Variants in KCNN3 observed in about 807,000 individuals in gnomAD.
The protein encoded by KCNN3 is small conductance calcium-activated potassium channel protein 3.
A neutral mutation model predicts 62.9 loss-of-function variants in KCNN3; 16 were observed. That is an observed-to-expected ratio of 0.25 (90% CI 0.17 to 0.39). KCNN3 has a LOEUF of 0.39. Among genes scored for constraint, KCNN3 ranks in the 10% least tolerant of loss-of-function variants. KCNN3 has a pLI of 1.00. For missense variants in KCNN3, 599 were observed against 949.4 expected (o/e 0.63, Z 4.85); for synonymous variants, 370 against 389.2 (o/e 0.95, Z 0.58).
chr1:154,717,464 A>G (rs112585479), intron 5 of KCNN3, among the ~76,000 whole-genome samples: 334 of 152,340 alleles, frequency 2.2e-3, no homozygotes, highest in African/African-American at 7.3e-3. Flanking sequence ...GTCCAGGAAG[A>G]GCAGAAGGTT....
At chr1:154,847,103 C>G (rs2101918501) in intron 1 of KCNN3, among the ~76,000 whole-genome samples, 1 of 152,212 alleles carries the variant, frequency 6.6e-6, no homozygotes, top group East Asian at 1.9e-4. Context: ...GCCCCCTCCC[C>G]TGCCTGCCCT....
intron 2 of KCNN3, among the ~76,000 whole-genome samples, chr1:154,818,400 C>T (rs917191971): frequency 6.6e-6 from 1 of 152,222 alleles, no homozygotes; most frequent in Non-Finnish European, 1.5e-5. Flanking sequence ...GCCAGCAGCT[C>T]CGTCACAGTA....
intron 2 of KCNN3, among the ~76,000 whole-genome samples, chr1:154,782,645 C>T (rs1357036070): frequency 1.3e-5 from 2 of 152,238 alleles, no homozygotes; most frequent in Non-Finnish European, 2.9e-5. Context: ...CAGTTCATAG[C>T]TATTCCCTTT....
At position 154,822,048 on chromosome 1, in the gene KCNN3, G is replaced by A. The variant is rs201703386; in HGVS notation, c.1029+41C>T. 4.7e-6 allele frequency: 7 copies of A among 1,484,848 alleles called. No individual in the cohort carries two copies. In the East Asian group the frequency reaches 1.6e-4, roughly 34 times the overall value. 92.0% of individuals were successfully genotyped at this position (1,484,848 alleles called of 1,614,324 possible). ...GGGCTCGGCTCAGAGCAAGGCCAAA[G>A]GATCAGCCGCTGCATGAAGGGGTGA... On this transcript the variant is annotated intron_variant, in intron 2 of 7. Transcript: ENST00000271915.
intron 2 of KCNN3, among the ~76,000 whole-genome samples, chr1:154,797,665 G>C (rs1649787571): frequency 6.6e-6 from 1 of 152,196 alleles, no homozygotes. Context: ...GTTCATTAGT[G>C]TGTCCCCAGT....
At chr1:154,765,778 C>A (rs1025517816) in intron 3 of KCNN3, among the ~76,000 whole-genome samples, 2 of 151,288 alleles carry the variant, frequency 1.3e-5, no homozygotes, top group Non-Finnish European at 2.9e-5. Flanking sequence ...CCACCACTCC[C>A]GGCTAATGTT....
At chr1:154,782,301 G>A (rs1018386437) in intron 2 of KCNN3, among the ~76,000 whole-genome samples, 19 of 152,138 alleles carry the variant, frequency 1.2e-4, no homozygotes, top group Non-Finnish European at 5.9e-5. Context: ...ACCACAGCTC[G>A]GGCCTCCGAA....
intron 1 of KCNN3, among the ~76,000 whole-genome samples, chr1:154,863,266 C>CG (rs1454229184): frequency 1.3e-5 from 2 of 152,166 alleles, no homozygotes; most frequent in Non-Finnish European, 1.5e-5. Context: ...TCGCCTCCTC[C>CG]GGACTTTCCT....
In KCNN3 at chr1:154,822,108, T is replaced by C; in HGVS notation, c.1010A>G (p.Tyr337Cys). The stretch of plus-strand genomic sequence containing the variant: ...ACCTACCTGGACTTCACGTGTGTGG[T>C]AGGCGATGATCAAGCCCAAAAGGAT... Reference protein sequence around the residue: ...TIILLGLIIAYHTREVQLFVI... With the variant: ...TIILLGLIIACHTREVQLFVI... Residue 337 changes from tyrosine (Y) to cysteine (C), a missense_variant, in exon 2 of 8, where the codon TAC becomes TGC. Around this residue, in one of 7 missense-constraint regions of KCNN3, gnomAD observed 288 missense variants for 557.4 expected, o/e 0.52. Transcript: ENST00000271915. 1 of 1,613,778 alleles carries C rather than the reference T, an allele frequency of 6.2e-7. No individual in the cohort carries two copies. Among genetic ancestry groups the C allele is most frequent in the Non-Finnish European group, 8.5e-7 (1 of 1,179,744 alleles).
In KCNN3 at chr1:154,700,384, GC is replaced by G. The variant is rs1402838556; in HGVS notation, c.*7591del. 2.0e-5 allele frequency: 3 copies of G among 152,326 alleles called. No individual in the cohort carries two copies. The highest frequency in any genetic ancestry group is 4.1e-4 in the South Asian group (2 of 4,832). 9.4% of individuals were successfully genotyped at this position (152,326 alleles called of 1,614,324 possible). On this transcript the variant is annotated 3_prime_UTR_variant, in exon 8 of 8. Transcript: ENST00000271915. ...GACTTGAATTACTGTCAAGAGGTCT[GC>G]TTTCCCCAAATGATGAATTTGCATT...
At position 154,703,458 on chromosome 1, in the gene KCNN3, T is replaced by C. The variant is rs1208853350; in HGVS notation, c.*4518A>G. On this transcript the variant is annotated 3_prime_UTR_variant, in exon 8 of 8. Transcript: ENST00000271915. ...CTGCAGAGTCAATAGGGATCCTTCATCTGCTTCTAGCAACTCTTAGGGGAA... is the reference window on the plus strand; with the variant it reads ...CTGCAGAGTCAATAGGGATCCTTCACCTGCTTCTAGCAACTCTTAGGGGAA... 6.6e-6 allele frequency: 1 copy of C among 152,184 alleles called. No homozygotes were observed. The highest frequency in any genetic ancestry group is 1.5e-5 in the Non-Finnish European group (1 of 68,036). 9.4% of individuals were successfully genotyped at this position (152,184 alleles called of 1,614,324 possible). A position where few individuals can be genotyped will look rare whatever the true frequency, so the allele number is the denominator to read the frequency against.
chr1:154,757,100 G>A (rs1316948651), intron 3 of KCNN3, among the ~76,000 whole-genome samples: 1 of 152,220 alleles, frequency 6.6e-6, no homozygotes, highest in African/African-American at 2.4e-5. Flanking sequence ...CCAGGTAAAG[G>A]ACAGACCTGT....
At chr1:154,761,390 C>T (rs1473735263) in intron 3 of KCNN3, among the ~76,000 whole-genome samples, 3 of 151,544 alleles carry the variant, frequency 2.0e-5, no homozygotes, top group Non-Finnish European at 2.9e-5. Context: ...ATAGTTTGAA[C>T]CCAGGAGGCA....
At chr1:154,771,058 GATAAATAAATAA>G (rs112864449) in intron 3 of KCNN3, among the ~76,000 whole-genome samples, 8,925 of 136,592 alleles carry the variant, frequency 0.065, 444 homozygotes, top group East Asian at 0.17. Context: ...CTCCATCTCA[GATAAATAAATAA>G]ATAAATAAAT....
chr1:154,718,243 C>T (rs752287782), intron 5 of KCNN3, among the ~76,000 whole-genome samples: 8 of 152,176 alleles, frequency 5.3e-5, no homozygotes, highest in Non-Finnish European at 1.0e-4. Flanking sequence ...AACAAATTGG[C>T]TGATTGTTTT....
At chr1:154,774,837 C>G (rs1648722864) in intron 2 of KCNN3, among the ~76,000 whole-genome samples, 1 of 152,260 alleles carries the variant, frequency 6.6e-6, no homozygotes, top group Non-Finnish European at 1.5e-5. Context: ...ATCAGCACCT[C>G]CTGGCTGGGA....
intron 1 of KCNN3, among the ~76,000 whole-genome samples, chr1:154,843,847 A>T (rs1319781146): frequency 1.3e-5 from 2 of 152,200 alleles, no homozygotes; most frequent in African/African-American, 4.8e-5. Context: ...AGAAATAATG[A>T]CCCAGGGGAC....
intron 4 of KCNN3, among the ~76,000 whole-genome samples, chr1:154,731,538 A>G (rs950037541): frequency 6.6e-5 from 10 of 152,152 alleles, no homozygotes; most frequent in Non-Finnish European, 1.3e-4. Flanking sequence ...TGGGGTGGGG[A>G]GTGGGGGCAG....
chr1:154,834,322 C>A (rs1364938856), intron 1 of KCNN3, among the ~76,000 whole-genome samples: 2 of 152,220 alleles, frequency 1.3e-5, no homozygotes, highest in African/African-American at 4.8e-5. Flanking sequence ...GGGCCACCAG[C>A]CTGTACAGGG....
Sources: allele counts gnomAD v4.1 joint callset (sites outside exome capture counted in the v4.1 genomes callset), GRCh38; gene constraint gnomAD v4.1.1; regional missense constraint gnomAD v4.1.1; transcripts MANE v1.5; gene names NCBI Gene and HGNC (gene_info 2026-07-23, HGNC 2026-07-21).